Variants in ARL6IP5 observed in about 807,000 individuals in gnomAD.
ARL6IP5 encodes PRA1 family protein 3.
A neutral mutation model predicts 13.0 loss-of-function variants in ARL6IP5; 6 were observed. The observed-to-expected ratio is 0.46, with a 90% CI of 0.25 to 0.91. The LOEUF (loss-of-function observed/expected upper bound fraction) is 0.91, where lower values mean the gene tolerates loss of function less well. ARL6IP5 is among the 40% of genes least tolerant of loss of function. The pLI, the probability that ARL6IP5 is intolerant of heterozygous loss-of-function variation, is 0.17. For synonymous variants in ARL6IP5, 91 were observed against 91.9 expected (o/e 0.99, Z 0.06); for missense variants, 208 against 248.8 (o/e 0.84, Z 1.10).
intron 1 of ARL6IP5, among the ~76,000 whole-genome samples, chr3:69,090,158 GA>G (rs1222670835): frequency 3.3e-5 from 5 of 152,124 alleles, no homozygotes; most frequent in African/African-American, 1.2e-4. Flanking sequence ...GTTGGTAGAG[GA>G]AAAAAAGCGT....
intron 1 of ARL6IP5, among the ~76,000 whole-genome samples, chr3:69,098,593 G>T (rs373424796): frequency 6.6e-6 from 1 of 151,984 alleles, no homozygotes; most frequent in East Asian, 1.9e-4. Context: ...GTTTCACCAC[G>T]TTGGCCAGGC....
At chr3:69,096,590 T>C (rs1218012168) in intron 1 of ARL6IP5, among the ~76,000 whole-genome samples, 1 of 149,128 alleles carries the variant, frequency 6.7e-6, no homozygotes, top group East Asian at 2.0e-4. Flanking sequence ...ATCTTTGTTT[T>C]GCTTTGCTTT....
chr3:69,087,228 G>A (rs973499882), intron 1 of ARL6IP5, among the ~76,000 whole-genome samples: 2 of 152,014 alleles, frequency 1.3e-5, no homozygotes, highest in African/African-American at 4.8e-5. Flanking sequence ...GCCCAGGCTG[G>A]TCTTGACTTC....
intron 1 of ARL6IP5, among the ~76,000 whole-genome samples, chr3:69,088,601 TA>T (rs1395002284): frequency 6.6e-6 from 1 of 152,208 alleles, no homozygotes; most frequent in Non-Finnish European, 1.5e-5. Flanking sequence ...TAAGAGGGAT[TA>T]GGATAGAGAT....
chr3:69,103,767 A>C (rs1309699236), intron 2 of ARL6IP5, among the ~76,000 whole-genome samples: 1 of 152,206 alleles, frequency 6.6e-6, no homozygotes, highest in African/African-American at 2.4e-5. Flanking sequence ...TTGAATGTAC[A>C]TGGAAGTTGT....
intron 1 of ARL6IP5, among the ~76,000 whole-genome samples, chr3:69,092,402 A>G (rs2092270797): frequency 1.3e-5 from 2 of 152,120 alleles, no homozygotes; most frequent in Admixed American, 6.5e-5. Flanking sequence ...GCTCGTTAGC[A>G]TTTGTCCAGC....
At chr3:69,087,894 A>C (rs149533659) in intron 1 of ARL6IP5, among the ~76,000 whole-genome samples, 1 of 152,344 alleles carries the variant, frequency 6.6e-6, no homozygotes, top group South Asian at 2.1e-4. Context: ...ACTGTTTTCT[A>C]TGCAACTATA....
chr3:69,097,853 C>A (rs2092291696), intron 1 of ARL6IP5, among the ~76,000 whole-genome samples: 1 of 152,050 alleles, frequency 6.6e-6, no homozygotes, highest in South Asian at 2.1e-4. Flanking sequence ...GAGCAGAAAA[C>A]CAGGATTTGG....
chr3:69,100,496 G>T (rs769462480), intron 1 of ARL6IP5, among the ~76,000 whole-genome samples: 1 of 152,046 alleles, frequency 6.6e-6, no homozygotes. Context: ...ACAATGATTA[G>T]ACTGGGCATG....
At chr3:69,099,978 G>C (rs554301425) in intron 1 of ARL6IP5, 1 of 152,990 alleles carries the variant, frequency 6.5e-6, no homozygotes, top group Non-Finnish European at 1.5e-5. Context: ...CCAGGCTGGA[G>C]TGCAATGGCG....
At chr3:69,090,149 T>C (rs12714750) in intron 1 of ARL6IP5, among the ~76,000 whole-genome samples, 70,844 of 151,990 alleles carry the variant, frequency 0.47, 16,785 homozygotes, top group Admixed American at 0.52. Context: ...AAGTTTCCAG[T>C]TGGTAGAGGA....
At chr3:69,098,921 A>T (rs935220877) in intron 1 of ARL6IP5, among the ~76,000 whole-genome samples, 3 of 152,070 alleles carry the variant, frequency 2.0e-5, no homozygotes, top group Non-Finnish European at 4.4e-5. Context: ...ACTAATATCA[A>T]TACTGTTACA....
intron 1 of ARL6IP5, among the ~76,000 whole-genome samples, chr3:69,095,783 C>A (rs2092285101): frequency 6.6e-6 from 1 of 152,194 alleles, no homozygotes; most frequent in Non-Finnish European, 1.5e-5. Flanking sequence ...TTATGATCCA[C>A]CGCACCCAGC....
In ARL6IP5 at chr3:69,104,660, T is replaced by C; in HGVS notation, c.*24T>C. The C allele has an allele frequency of 6.2e-7, 1 of 1,606,916 alleles. No individual in the cohort carries two copies. On this transcript the variant is annotated 3_prime_UTR_variant, in exon 3 of 3. Transcript: ENST00000273258. ...AAACATAACTTACCTGAGCTAGGGT[T>C]GCAGCAGAAATTGAGTTGCAGCTTG...
chr3:69,096,293 T>A (rs977967704), intron 1 of ARL6IP5, among the ~76,000 whole-genome samples: 7 of 152,294 alleles, frequency 4.6e-5, no homozygotes, highest in Middle Eastern at 3.4e-3. Flanking sequence ...TGAAACAAAT[T>A]TGGAATTGCT....
chr3:69,100,688 C>T (rs1414312619), intron 1 of ARL6IP5, among the ~76,000 whole-genome samples: 1 of 150,424 alleles, frequency 6.6e-6, no homozygotes, highest in African/African-American at 2.4e-5. Context: ...GGCTGAGGCA[C>T]AAGAATTGCT....
rs767431039 is a variant in ARL6IP5 at position 69,085,180 on chromosome 3, A to T, written c.133A>T (p.Thr45Ser). Residue 45 changes from threonine to serine, a missense_variant, in exon 1 of 3, where the codon ACC (threonine) becomes TCC (serine). Thr to Ser is a moderately conservative substitution (Grantham distance 58). Transcript: ENST00000273258. ...AGTGAGCAACCTGCTCTATTACCAG[A>T]CCAACTACCTGGTGGTGGCTGCCAT... ...RVVSNLLYYQ[T>S]NYLVVAAMMI... is the part of the protein sequence containing the mutation. The T allele has an allele frequency of 1.2e-6, 2 of 1,614,124 alleles. No individual in the cohort carries two copies. The highest frequency in any genetic ancestry group is 1.7e-6 in the Non-Finnish European group (2 of 1,180,004).
intron 1 of ARL6IP5, among the ~76,000 whole-genome samples, chr3:69,087,615 G>A (rs1353983669): frequency 6.6e-6 from 1 of 152,196 alleles, no homozygotes; most frequent in Admixed American, 6.5e-5. Flanking sequence ...ACTAAATATA[G>A]CTCCGTCAGT....
rs926494592 is a variant in ARL6IP5, at chr3:69,105,651, T to C, written c.*1015T>C. 2.6e-5 allele frequency: 4 copies of C among 152,364 alleles called. No individual in the cohort carries two copies. The highest frequency in any genetic ancestry group is 3.4e-3 in the Middle Eastern group (1 of 294). 9.4% of individuals were successfully genotyped at this position (152,364 alleles called of 1,614,324 possible). A position where few individuals can be genotyped will look rare whatever the true frequency, so the allele number is the denominator to read the frequency against. ...AATGGAATGCAGCTACTGCAGCTAA[T>C]AAAAAATTTTAGATAGCAATTGTTA... On this transcript the variant is annotated 3_prime_UTR_variant, in exon 3 of 3. Transcript: ENST00000273258.
Sources: allele counts gnomAD v4.1 joint callset (sites outside exome capture counted in the v4.1 genomes callset), GRCh38; gene constraint gnomAD v4.1.1; transcripts MANE v1.5; gene names NCBI Gene and HGNC (gene_info 2026-07-23, HGNC 2026-07-21).